Variants in CDH6 observed in about 807,000 individuals in gnomAD.
CDH6 encodes the protein cadherin 6.
Under a neutral mutation model 78.0 loss-of-function variants are expected in CDH6, and 31 were observed. The observed-to-expected ratio is 0.40, with a 90% CI of 0.30 to 0.54. CDH6 has a LOEUF of 0.54. CDH6 is among the 20% of genes least tolerant of loss of function. The probability of loss-of-function intolerance (pLI) is 0.56; values close to 1 mark genes in which losing one functional copy is unlikely to be tolerated. For synonymous variants in CDH6, 376 were observed against 368.8 expected, an observed-to-expected ratio of 1.02 and a Z score of -0.23; for missense variants, 724 against 975.9, an observed-to-expected ratio of 0.74 and a Z score of 3.44.
chr5:31,310,729 C>T (rs899142165), intron 7 of CDH6, among the ~76,000 whole-genome samples: 11 of 152,200 alleles, frequency 7.2e-5, no homozygotes, highest in Non-Finnish European at 1.5e-4. Context: ...CATGTAGATG[C>T]CACCAAGCCT....
intron 1 of CDH6, among the ~76,000 whole-genome samples, chr5:31,245,498 T>C (rs1365040732): frequency 6.6e-6 from 1 of 152,138 alleles, no homozygotes; most frequent in Admixed American, 6.6e-5. Context: ...TTAAAAGCCC[T>C]TTCCTACCTC....
intron 1 of CDH6, among the ~76,000 whole-genome samples, chr5:31,254,220 A>G (rs915091916): frequency 1.3e-5 from 2 of 152,168 alleles, no homozygotes; most frequent in Non-Finnish European, 2.9e-5. Context: ...AGGTCACCCT[A>G]ATTTTATATT....
intron 3 of CDH6, among the ~76,000 whole-genome samples, chr5:31,296,630 C>T (rs1184260114): frequency 6.6e-6 from 1 of 152,106 alleles, no homozygotes; most frequent in Non-Finnish European, 1.5e-5. Context: ...ATTTAGGATG[C>T]TTTTATTGGT....
Position 31,313,331 on chromosome 5 carries a change from CG to C in CDH6, c.1268del (p.Arg423HisfsTer36). On this transcript the variant is annotated frameshift_variant, in exon 8 of 12. Transcript: ENST00000265071. LOFTEE classifies it high-confidence loss of function. ...ARNPVKYSVD[R>X]HTDMDRIFNI... Reference sequence around the variant, plus strand: ...CTGCATTTTCAGGTACTCTGTAGATCGACACACAGATATGGACAGAATATTC... The same window carrying C: ...CTGCATTTTCAGGTACTCTGTAGATCACACACAGATATGGACAGAATATTC... 1.9e-6 allele frequency: 3 copies of C among 1,612,428 alleles called. No homozygotes were observed. The highest frequency in any genetic ancestry group is 2.5e-6 in the Non-Finnish European group (3 of 1,178,838).
At chr5:31,275,288 A>G (rs1003804769) in intron 2 of CDH6, among the ~76,000 whole-genome samples, 3 of 152,142 alleles carry the variant, frequency 2.0e-5, no homozygotes, top group Admixed American at 2.0e-4. Context: ...GGCTGATCCC[A>G]TCACCCAGGT....
chr5:31,258,162 A>T (rs1183565831), intron 1 of CDH6, among the ~76,000 whole-genome samples: 1 of 152,210 alleles, frequency 6.6e-6, no homozygotes, highest in East Asian at 1.9e-4. Flanking sequence ...ATTATAAATT[A>T]TTCTACTATA....
intron 2 of CDH6, among the ~76,000 whole-genome samples, chr5:31,291,996 T>C (rs1561060509): frequency 6.6e-6 from 1 of 152,200 alleles, no homozygotes; most frequent in Admixed American, 6.5e-5. Context: ...CTGTGTTACA[T>C]TAAACACGGT....
Position 31,267,692 on chromosome 5 carries a change from T to C in CDH6, c.219T>C (p.Tyr73=), listed in dbSNP as rs1200169430. ...LEEYTGSDYQ[Y]VGKLHSDQDR... ...AATACACAGGATCCGATTATCAGTA[T>C]GTGGGCAAGGTAGGATTCCTTTGAG... The change falls in exon 2 of 12, where the codon TAT becomes TAC. Residue 73 remains tyrosine, a synonymous_variant. Transcript: ENST00000265071. 1.9e-6 allele frequency: 3 copies of C among 1,612,994 alleles called. No homozygotes were observed. Among genetic ancestry groups the C allele is most frequent in the East Asian group, 2.2e-5 (1 of 44,880 alleles).
chr5:31,269,421 T>G (rs6873394), intron 2 of CDH6, among the ~76,000 whole-genome samples: 1 of 152,074 alleles, frequency 6.6e-6, no homozygotes, highest in Admixed American at 6.5e-5. Context: ...TCCGAGAATG[T>G]GTCACAGTGC....
intron 1 of CDH6, among the ~76,000 whole-genome samples, chr5:31,204,198 C>A (rs542639800): frequency 6.6e-6 from 1 of 152,282 alleles, no homozygotes; most frequent in Non-Finnish European, 1.5e-5. Context: ...TTACCACACT[C>A]CAAAATATCT....
intron 1 of CDH6, among the ~76,000 whole-genome samples, chr5:31,253,853 T>C (rs1741979046): frequency 6.6e-6 from 1 of 151,798 alleles, no homozygotes; most frequent in Admixed American, 6.6e-5. Flanking sequence ...CGAATCTGAA[T>C]GAAATTGTTA....
chr5:31,200,134 A>G (rs182333674), intron 1 of CDH6, among the ~76,000 whole-genome samples: 2 of 152,298 alleles, frequency 1.3e-5, no homozygotes, highest in Admixed American at 6.5e-5. Context: ...CATTTTTGAA[A>G]AATCATCTGC....
At chr5:31,308,454 C>A (rs1025221002) in intron 7 of CDH6, among the ~76,000 whole-genome samples, 5 of 147,760 alleles carry the variant, frequency 3.4e-5, no homozygotes, top group Non-Finnish European at 7.4e-5. Flanking sequence ...AAAGAGCTAC[C>A]TAGCAGAAGG....
At chr5:31,292,556 T>C (rs769453339) in intron 2 of CDH6, among the ~76,000 whole-genome samples, 2 of 152,118 alleles carry the variant, frequency 1.3e-5, no homozygotes, top group Non-Finnish European at 2.9e-5. Flanking sequence ...GCTGTTGTTG[T>C]AGCATAGCCC....
At chr5:31,254,471 G>T (rs1213898779) in intron 1 of CDH6, among the ~76,000 whole-genome samples, 2 of 152,172 alleles carry the variant, frequency 1.3e-5, no homozygotes, top group East Asian at 1.9e-4. Context: ...AACTGCAAAA[G>T]TTATGGCCAT....
At chr5:31,311,607 C>A (rs969938868) in intron 7 of CDH6, among the ~76,000 whole-genome samples, 2 of 152,162 alleles carry the variant, frequency 1.3e-5, no homozygotes, top group African/African-American at 4.8e-5. Context: ...CCTGAGACTG[C>A]GTAATTTGTG....
Sources: gnomAD v4.1 joint callset for allele counts (sites outside exome capture counted in the v4.1 genomes callset) on GRCh38, gnomAD v4.1.1 for gene constraint, MANE v1.5 for transcripts, NCBI Gene and HGNC (gene_info 2026-07-23, HGNC 2026-07-21) for gene names.